The following FGF12 variants were observed in gnomAD, a reference collection of about 807,000 sequenced individuals.
FGF12 encodes fibroblast growth factor 12.
FGF12 carries 14 observed loss-of-function variants against 23.6 expected under a neutral mutation model. That is an observed-to-expected ratio of 0.59 (90% CI 0.39 to 0.93). FGF12 has a LOEUF of 0.93. Among genes scored for constraint, FGF12 ranks in the 40% least tolerant of loss-of-function variants. The pLI is 0.00. For synonymous variants in FGF12, 62 were observed against 77.3 expected, an observed-to-expected ratio of 0.80 and a Z score of 1.04; for missense variants, 175 against 217.8, an observed-to-expected ratio of 0.80 and a Z score of 1.24.
At chr3:192,490,672 G>A (rs1287018052) in intron 2 of FGF12, among the ~76,000 whole-genome samples, 1 of 151,996 alleles carries the variant, frequency 6.6e-6, no homozygotes, top group East Asian at 1.9e-4. Flanking sequence ...GTGGTAAAAA[G>A]GATAATGTGT....
intron 2 of FGF12, among the ~76,000 whole-genome samples, chr3:192,455,767 A>G (rs1722661735): frequency 6.6e-6 from 1 of 152,210 alleles, no homozygotes; most frequent in South Asian, 2.1e-4. Flanking sequence ...TAATTCTAAG[A>G]TTTTCTGCAG....
At chr3:192,166,769 T>G (rs1715182711) in intron 5 of FGF12, among the ~76,000 whole-genome samples, 1 of 152,152 alleles carries the variant, frequency 6.6e-6, no homozygotes, top group Admixed American at 6.6e-5. Context: ...GTTAGTTCCC[T>G]AAGACAAAAG....
intron 2 of FGF12, among the ~76,000 whole-genome samples, chr3:192,523,189 A>G (rs1264614215): frequency 1.3e-5 from 2 of 152,220 alleles, no homozygotes; most frequent in Non-Finnish European, 2.9e-5. Flanking sequence ...AAGTTGCAAC[A>G]GGATATAGTC....
chr3:192,599,515 G>A (rs1278099180), intron 2 of FGF12, among the ~76,000 whole-genome samples: 1 of 151,930 alleles, frequency 6.6e-6, no homozygotes, highest in African/African-American at 2.4e-5. Context: ...ACAGTGCCTG[G>A]CATCTATAAG....
Position 192,483,463 on chromosome 3 carries a change from G to T in FGF12, c.14-122925C>A, listed in dbSNP as rs9823262. 8.8e-3 allele frequency among the ~76,000 whole-genome samples: 1,339 copies of T among 152,228 alleles called. 17 individuals are homozygous for T. The highest frequency in any genetic ancestry group is 0.03 in the African/African-American group (1,229 of 41,548). ...TAATGTCTCTTACTGAAGTGTAAAG[G>T]CTTTATGAACAGAATTATGCCTGAT... On this transcript the variant is annotated intron_variant, in intron 2 of 5. Coordinates refer to ENST00000445105, the MANE Select transcript of FGF12 (RefSeq NM_004113.6).
At chr3:192,286,731 T>C (rs1298091715) in intron 4 of FGF12, among the ~76,000 whole-genome samples, 2 of 152,048 alleles carry the variant, frequency 1.3e-5, no homozygotes, top group Non-Finnish European at 2.9e-5. Context: ...CTGAGTATAC[T>C]CTTGAGATTG....
chr3:192,512,080 T>C lies in FGF12; in HGVS notation c.14-151542A>G, dbSNP rs148112902. Reference sequence around the variant, plus strand: ...TACTGTAACAAATTATGTTATTTCCTTTCTGTGGACCTCACCTCCCTCAAC... The same window carrying C: ...TACTGTAACAAATTATGTTATTTCCCTTCTGTGGACCTCACCTCCCTCAAC... On this transcript the variant is annotated intron_variant, in intron 2 of 5. Coordinates refer to ENST00000445105, the MANE Select transcript of FGF12 (RefSeq NM_004113.6). Among the ~76,000 whole-genome samples, 667 of 152,304 alleles carry C rather than the reference T, an allele frequency of 4.4e-3. 5 individuals are homozygous for C. The highest frequency in any genetic ancestry group is 0.016 in the African/African-American group (647 of 41,566).
intron 4 of FGF12, among the ~76,000 whole-genome samples, chr3:192,286,782 A>AAAT (rs1233068958): frequency 3.3e-5 from 5 of 152,060 alleles, no homozygotes; most frequent in Non-Finnish European, 5.9e-5. Flanking sequence ...ACAAGTGATC[A>AAAT]AATAACACAA....
chr3:192,174,819 T>C (rs1715768658), intron 4 of FGF12, among the ~76,000 whole-genome samples: 1 of 152,152 alleles, frequency 6.6e-6, no homozygotes, highest in South Asian at 2.1e-4. Flanking sequence ...GTGATTACAA[T>C]TCTCTAAATT....
In FGF12 at chr3:192,376,246, A is replaced by G. The variant is rs969465026; in HGVS notation, c.14-15708T>C. On this transcript the variant is annotated intron_variant, in intron 2 of 5. Transcript: ENST00000445105. ...TTTGTCTGCTTTCATCTCCAATTTA[A>G]TCATTTTCTCTTCTATTATTTAGAG... is the stretch of plus-strand genomic sequence containing the variant. Among the ~76,000 whole-genome samples the G allele has an allele frequency of 2.6e-5, 4 of 151,878 alleles. No individual in the cohort carries two copies. The South Asian group carries it at 6.2e-4, about 24-fold the overall frequency.
At chr3:192,318,814 T>C (rs1406268994) in intron 4 of FGF12, among the ~76,000 whole-genome samples, 2 of 151,810 alleles carry the variant, frequency 1.3e-5, no homozygotes, top group African/African-American at 2.4e-5. Context: ...AAGGTCAAGC[T>C]AAAGAAAGGA....
At chr3:192,462,477 T>C (rs1576997153) in intron 2 of FGF12, among the ~76,000 whole-genome samples, 1 of 152,200 alleles carries the variant, frequency 6.6e-6, no homozygotes, top group Non-Finnish European at 1.5e-5. Flanking sequence ...CAAGACTCTG[T>C]AGAGAGTCCC....
intron 2 of FGF12, among the ~76,000 whole-genome samples, chr3:192,440,759 T>C (rs942038623): frequency 1.3e-5 from 2 of 152,222 alleles, no homozygotes; most frequent in African/African-American, 4.8e-5. Flanking sequence ...AGTAAAACAA[T>C]TGATGCCCTA....
At chr3:192,562,293 GTA>G (rs1712076626) in intron 2 of FGF12, among the ~76,000 whole-genome samples, 1 of 152,150 alleles carries the variant, frequency 6.6e-6, no homozygotes, top group Non-Finnish European at 1.5e-5. Context: ...GTGAAATGTT[GTA>G]TGTCTTGATG....
chr3:192,273,810 A>C (rs562489269), intron 4 of FGF12, among the ~76,000 whole-genome samples: 1 of 152,284 alleles, frequency 6.6e-6, no homozygotes, highest in Non-Finnish European at 1.5e-5. Flanking sequence ...TGAGACAGCA[A>C]GCTGAGGAAC....
intron 2 of FGF12, among the ~76,000 whole-genome samples, chr3:192,382,643 A>C (rs556998008): frequency 6.6e-6 from 1 of 152,328 alleles, no homozygotes; most frequent in South Asian, 2.1e-4. Flanking sequence ...AGAGCAAGTA[A>C]TCAAACAAAA....
intron 4 of FGF12, among the ~76,000 whole-genome samples, chr3:192,297,222 G>A (rs534263859): frequency 5.3e-5 from 8 of 152,218 alleles, no homozygotes; most frequent in South Asian, 4.1e-4. Flanking sequence ...AAACAAGACC[G>A]ATTCATTCAC....
chr3:192,242,512 A>C (rs1719674579), intron 4 of FGF12, among the ~76,000 whole-genome samples: 1 of 152,206 alleles, frequency 6.6e-6, no homozygotes, highest in Non-Finnish European at 1.5e-5. Context: ...AAGCACAAAC[A>C]CCCAATATAA....
chr3:192,495,315 G>A (rs1723922037), intron 2 of FGF12, among the ~76,000 whole-genome samples: 2 of 152,076 alleles, frequency 1.3e-5, no homozygotes, highest in African/African-American at 4.8e-5. Context: ...TATATAAAGT[G>A]TCCGTACATA....
Sources: gnomAD v4.1 joint callset for allele counts (sites outside exome capture counted in the v4.1 genomes callset) on GRCh38, gnomAD v4.1.1 for gene constraint, MANE v1.5 for transcripts, NCBI Gene and HGNC (gene_info 2026-07-23, HGNC 2026-07-21) for gene names.